The following COL6A3 variants were observed in gnomAD, a reference collection of about 807,000 sequenced individuals.
COL6A3 encodes the protein collagen alpha-3(VI) chain.
A neutral mutation model predicts 274.1 loss-of-function variants in COL6A3; 137 were observed. That is an observed-to-expected ratio of 0.50 (90% CI 0.44 to 0.58). The LOEUF (loss-of-function observed/expected upper bound fraction) is 0.58, where lower values mean the gene tolerates loss of function less well. Ranked by LOEUF, COL6A3 falls within the 20% of genes least tolerant of loss-of-function variation. COL6A3 has a pLI of 0.00. For synonymous variants in COL6A3, 1,650 were observed against 1,650.6 expected, an observed-to-expected ratio of 1.00 and a Z score of 0.01; for missense variants, 3,950 against 4,124.9, an observed-to-expected ratio of 0.96 and a Z score of 1.16.
intron 2 of COL6A3, among the ~76,000 whole-genome samples, 198 bp downstream of exon 2, chr2:237,396,529 A>C (rs2078444952): frequency 6.6e-6 from 1 of 152,234 alleles, no homozygotes; most frequent in Non-Finnish European, 1.5e-5. Context: ...TTTAATAAAA[A>C]TAGGTCATCT....
intron 28 of COL6A3, among the ~76,000 whole-genome samples, chr2:237,349,918 A>G (rs1490283737): frequency 6.6e-6 from 1 of 152,204 alleles, no homozygotes; most frequent in Non-Finnish European, 1.5e-5. Flanking sequence ...GGAAAAACAC[A>G]GGGGAAAAAA....
At chr2:237,392,511 C>T (rs1163020720) in intron 3 of COL6A3, among the ~76,000 whole-genome samples, 3 of 152,198 alleles carry the variant, frequency 2.0e-5, no homozygotes, top group Non-Finnish European at 4.4e-5. Context: ...GACTCTCCAT[C>T]AGTCACCTCA....
At chr2:237,384,433 T>A (rs1193982256) in intron 4 of COL6A3, among the ~76,000 whole-genome samples, 1 of 152,072 alleles carries the variant, frequency 6.6e-6, no homozygotes, top group Non-Finnish European at 1.5e-5. Context: ...CGCCTCTCTC[T>A]GTTTTCCTCC....
chr2:237,374,811 C>T lies in COL6A3; in HGVS notation c.3280G>A (p.Ala1094Thr), dbSNP rs369460632. Reference protein sequence around the residue: ...SYMNKQDVVNAVRQLTLLGGP... With the variant: ...SYMNKQDVVNTVRQLTLLGGP... ...CCCAGCAGGGTCAGCTGGCGGACAG[C>T]GTTGACGACGTCCTGCTTGTTCATG... is the stretch of plus-strand genomic sequence containing the variant. The change falls in exon 8 of 44, where the codon GCT becomes ACT. Residue 1094 changes from alanine (A) to threonine (T), a missense_variant. Around this residue, in one of 5 missense-constraint regions of COL6A3, gnomAD observed 1,934 missense variants for 1,984.3 expected, o/e 0.97. Transcript: ENST00000295550. The surrounding 1 kb of genome is among the most constrained non-coding windows in gnomAD (Gnocchi z 4.8). 6.9e-5 allele frequency: 112 copies of T among 1,613,910 alleles called. No individual in the cohort carries two copies. The highest frequency in any genetic ancestry group is 9.2e-5 in the Non-Finnish European group (108 of 1,180,020).
At chr2:237,341,218 G>T in intron 37 of COL6A3, 68 bp from the exon 38 acceptor site, 2 of 1,439,080 alleles carry the variant, frequency 1.4e-6, no homozygotes, top group Non-Finnish European at 9.7e-7. Flanking sequence ...TCATCAATCT[G>T]CTGGGAGACT....
chr2:237,382,096 G>A (rs367891910), intron 4 of COL6A3, among the ~76,000 whole-genome samples: 12 of 152,276 alleles, frequency 7.9e-5, no homozygotes, highest in South Asian at 2.1e-4. Flanking sequence ...AGAGACCTGC[G>A]TTTTGGCCAG....
At chr2:237,398,716 T>C (rs780069564) in intron 1 of COL6A3, among the ~76,000 whole-genome samples, 97 of 152,198 alleles carry the variant, frequency 6.4e-4, no homozygotes, top group Non-Finnish European at 1.1e-3. Context: ...CTCATTTTCA[T>C]TTTGCAATGA....
Position 237,352,419 on chromosome 2 carries a change from G to A in COL6A3, c.6753+103C>T, listed in dbSNP as rs1047924749. The stretch of plus-strand genomic sequence containing the variant: ...TTGTTGCCAAAGAGGAGAGCTAAAG[G>A]GAGGTCTGTCTACAATAGCATCATC... On this transcript the variant is annotated intron_variant, in intron 26 of 43. Transcript: ENST00000295550. The A allele has an allele frequency of 3.5e-6, 4 of 1,138,840 alleles. No individual in the cohort carries two copies. The African/African-American group carries it at 6.2e-5, about 18-fold the overall frequency. The allele number at this position is 1,138,840 out of a possible 1,614,324, so 70.5% of individuals were successfully genotyped here.
chr2:237,381,020 C>G lies in COL6A3; in HGVS notation c.1792G>C (p.Asp598His), dbSNP rs778400474. 1 of 1,614,052 alleles carries G rather than the reference C, an allele frequency of 6.2e-7. No homozygotes were observed. The highest frequency in any genetic ancestry group is 1.3e-5 in the African/African-American group (1 of 74,928). Residue 598 changes from aspartate (D) to histidine (H), a missense_variant, in exon 5 of 44, where the codon GAC (aspartate) becomes CAC (histidine). Asp to His is a moderately conservative substitution (Grantham distance 81, BLOSUM62 -1). Around this residue, in one of 5 missense-constraint regions of COL6A3, gnomAD observed 1,934 missense variants for 1,984.3 expected, o/e 0.97. Coordinates refer to ENST00000295550, the MANE Select transcript of COL6A3 (RefSeq NM_004369.4). Reference protein sequence around the residue: ...DQAELEEIAFDSSLVFIPAEF... With the variant: ...DQAELEEIAFHSSLVFIPAEF... ...GCTGGGATGAACACCAGGGAGGAGT[C>G]GAAAGCGATCTCTTCCAGCTCAGCC...
chr2:237,391,251 G>A (rs565065123), intron 3 of COL6A3, among the ~76,000 whole-genome samples: 3 of 151,762 alleles, frequency 2.0e-5, no homozygotes, highest in Non-Finnish European at 4.4e-5. Context: ...ACACATGAAT[G>A]GATTAATTTT....
chr2:237,408,751 T>C (rs1378459776), intron 1 of COL6A3, among the ~76,000 whole-genome samples: 1 of 152,178 alleles, frequency 6.6e-6, no homozygotes, highest in Non-Finnish European at 1.5e-5. Flanking sequence ...TTCTCTGTAA[T>C]TCATGAGTTT....
chr2:237,349,163 C>CA (rs1359871902), intron 28 of COL6A3, among the ~76,000 whole-genome samples: 3 of 151,832 alleles, frequency 2.0e-5, no homozygotes, highest in African/African-American at 7.3e-5. Flanking sequence ...CACCTCCCCC[C>CA]AGCATGCTCA....
chr2:237,363,707 A>G (rs1681198686), intron 13 of COL6A3, among the ~76,000 whole-genome samples: 1 of 152,244 alleles, frequency 6.6e-6, no homozygotes, highest in African/African-American at 2.4e-5. Flanking sequence ...TGCTGTGGGA[A>G]GTATTGAAAT....
chr2:237,382,399 A>C (rs987411800), intron 4 of COL6A3, among the ~76,000 whole-genome samples: 2 of 152,116 alleles, frequency 1.3e-5, no homozygotes, highest in African/African-American at 4.8e-5. Context: ...AAAAACAAAA[A>C]ACCTGTTTTT....
At chr2:237,388,251 G>A (rs1283610582) in intron 3 of COL6A3, 67 bp from the exon 4 acceptor site, 28 of 1,597,520 alleles carry the variant, frequency 1.8e-5, no homozygotes, top group Admixed American at 8.4e-5. Context: ...ATTATTCAGT[G>A]TTCTGACATG....
rs765214389 is a variant in COL6A3 at position 237,364,069 on chromosome 2, G to T, written c.5917+281C>A. ...GTGATGAAGTTAAATGAATCAATAC[G>T]TCATGATCTTTTGCAAAAGCATCAT... On this transcript the variant is annotated intron_variant, in intron 13 of 43. Transcript: ENST00000295550. The surrounding 1 kb of genome is among the most constrained non-coding windows in gnomAD (Gnocchi z 4.6). Among the ~76,000 whole-genome samples, 3 of 152,074 alleles carry T rather than the reference G, an allele frequency of 2.0e-5. No homozygotes were observed. Among genetic ancestry groups the T allele is most frequent in the Admixed American group, 2.0e-4 (3 of 15,268 alleles).
chr2:237,367,024 C>A lies in COL6A3; in HGVS notation c.5163G>T (p.Val1721=), dbSNP rs759703082. 1 of 1,614,248 alleles carries A rather than the reference C, an allele frequency of 6.2e-7. No individual in the cohort carries two copies. Among genetic ancestry groups the A allele is most frequent in the Admixed American group, 1.7e-5 (1 of 60,032 alleles). ...GGTTTACCCGCAGGTGCTCAAGGCC[C>A]ACCTTAGTGTTGGCGTGTCTTCCCC... is the stretch of plus-strand genomic sequence containing the variant. ...YKGGRHANTK[V]GLEHLRVNHF... Residue 1721 remains valine (V), a synonymous_variant, in exon 11 of 44, where the codon GTG becomes GTT. Transcript: ENST00000295550.
chr2:237,360,259 G>T, intron 16 of COL6A3, 100 bp from the exon 17 acceptor site: 2 of 1,169,246 alleles, frequency 1.7e-6, no homozygotes, highest in Non-Finnish European at 1.3e-6. Context: ...ACAGCATGCA[G>T]CAGAAAGCAG....
chr2:237,393,608 A>G (rs997776384), intron 3 of COL6A3, among the ~76,000 whole-genome samples: 2 of 152,104 alleles, frequency 1.3e-5, no homozygotes, highest in African/African-American at 4.8e-5. Context: ...CTCTGCTACC[A>G]ACTATCAAAT....
Sources: gnomAD v4.1 joint callset for allele counts (sites outside exome capture counted in the v4.1 genomes callset) on GRCh38, gnomAD v4.1.1 for gene constraint, gnomAD v4.1.1 regional missense constraint, Gnocchi (gnomAD v3.1) non-coding constraint, MANE v1.5 for transcripts, NCBI Gene and HGNC (gene_info 2026-07-23, HGNC 2026-07-21) for gene names.